ROPN1B: variants seen among roughly 807,000 people sequenced by gnomAD.
ROPN1B encodes the protein ropporin-1B.
A neutral mutation model predicts 23.7 loss-of-function variants in ROPN1B; 13 were observed. The ratio of observed to expected loss-of-function variants is 0.55; its 90% CI spans 0.36 to 0.87. The LOEUF is 0.87. ROPN1B is among the 40% of genes least tolerant of loss of function. The pLI, the probability that ROPN1B is intolerant of heterozygous loss-of-function variation, is 0.01. For missense variants in ROPN1B, 183 were observed against 249.2 expected, an observed-to-expected ratio of 0.73 and a Z score of 1.79; for synonymous variants, 67 against 100.4, an observed-to-expected ratio of 0.67 and a Z score of 1.99.
chr3:125,971,463 G>A, intron 2 of ROPN1B, among the ~76,000 whole-genome samples: 1 of 152,186 alleles, frequency 6.6e-6, no homozygotes, highest in East Asian at 1.9e-4. Flanking sequence ...AACTTTTTGA[G>A]AGAAAATGTA....
chr3:125,975,153 T>G (rs1033513475), intron 3 of ROPN1B, among the ~76,000 whole-genome samples: 1 of 152,206 alleles, frequency 6.6e-6, no homozygotes, highest in Admixed American at 6.5e-5. Flanking sequence ...TGCCTTCCCC[T>G]TTCTTACGTA....
intron 3 of ROPN1B, chr3:125,972,946 C>T: frequency 2.7e-6 from 1 of 367,386 alleles, no homozygotes; most frequent in Non-Finnish European, 5.3e-6. Flanking sequence ...CGCTGCGGGC[C>T]TGGATTGAAG....
intron 3 of ROPN1B, among the ~76,000 whole-genome samples, chr3:125,974,883 C>G (rs1559783779): frequency 6.6e-6 from 1 of 152,116 alleles, no homozygotes; most frequent in Non-Finnish European, 1.5e-5. Flanking sequence ...CCCTGCCAAC[C>G]CTCTCTCCCT....
In ROPN1B at chr3:125,969,925, G is replaced by A. The variant is rs1184527974; in HGVS notation, c.-59+525G>A. Reference sequence around the variant, plus strand: ...CTAGCACTTCATAGACTCCTATCACGCATTATTTTATACCTAGCACTTCAT... The same window carrying A: ...CTAGCACTTCATAGACTCCTATCACACATTATTTTATACCTAGCACTTCAT... On this transcript the variant is annotated intron_variant, in intron 1 of 6. Coordinates refer to ENST00000514116, the MANE Select transcript of ROPN1B (RefSeq NM_001308313.2). 15 of 147,874 alleles carry A rather than the reference G, an allele frequency of 1.0e-4. No individual in the cohort carries two copies. The East Asian group carries it at 1.4e-3, about 14-fold the overall frequency. 9.2% of individuals were successfully genotyped at this position (147,874 alleles called of 1,614,324 possible).
Position 125,972,099 on chromosome 3 carries a change from G to A in ROPN1B, c.45G>A (p.Pro15=). 1.2e-6 allele frequency: 2 copies of A among 1,614,208 alleles called. No homozygotes were observed. Among genetic ancestry groups the A allele is most frequent in the Non-Finnish European group, 1.7e-6 (2 of 1,180,032 alleles). The part of the protein sequence containing the change: ...DKPTCIPPEL[P]KMLKEFAKAA... ...CAACATGCATCCCGCCGGAGCTGCCGAAAATGCTGAAGGAGTTTGCCAAAG... is the reference window on the plus strand; with the variant it reads ...CAACATGCATCCCGCCGGAGCTGCCAAAAATGCTGAAGGAGTTTGCCAAAG... The change falls in exon 3 of 7, where the codon CCG becomes CCA. Residue 15 remains proline, a synonymous_variant. Transcript: ENST00000514116.
intron 5 of ROPN1B, among the ~76,000 whole-genome samples, chr3:125,980,396 G>T (rs1257277564): frequency 6.6e-6 from 1 of 152,136 alleles, no homozygotes; most frequent in Non-Finnish European, 1.5e-5. Flanking sequence ...GAAATTTGTT[G>T]TCTCTCAGTT....
At chr3:125,975,478 T>A in intron 3 of ROPN1B, 85 bp from the exon 4 acceptor site, 1 of 1,381,042 alleles carries the variant, frequency 7.2e-7, no homozygotes, top group Non-Finnish European at 9.9e-7. Context: ...CCTCCTTCCC[T>A]CAGAAGAAGG....
intron 5 of ROPN1B, among the ~76,000 whole-genome samples, chr3:125,980,225 C>T (rs1938565594): frequency 6.6e-6 from 1 of 152,190 alleles, no homozygotes; most frequent in Non-Finnish European, 1.5e-5. Flanking sequence ...GTTATTTATC[C>T]ACTCATCCAT....
chr3:125,970,385 C>A (rs543703431), intron 1 of ROPN1B, among the ~76,000 whole-genome samples: 19 of 152,246 alleles, frequency 1.2e-4, no homozygotes, highest in African/African-American at 3.9e-4. Context: ...TGCCCTGGAG[C>A]CTTTCATTCA....
At chr3:125,969,664 G>A (rs1938119736) in intron 1 of ROPN1B, 1 of 150,258 alleles carries the variant, frequency 6.7e-6, no homozygotes, top group Non-Finnish European at 1.5e-5. Context: ...CAGTGGTTGG[G>A]AGGCTCAAGA....
chr3:125,982,249 C>G (rs369842600), intron 5 of ROPN1B, 21 bp from the exon 6 acceptor site: 19 of 1,567,328 alleles, frequency 1.2e-5, no homozygotes, highest in Non-Finnish European at 1.6e-5. Flanking sequence ...ACTTTCTCCT[C>G]ATTTTATGTA....
intron 1 of ROPN1B, chr3:125,970,187 C>G (rs1330811385): frequency 6.6e-6 from 1 of 151,532 alleles, no homozygotes; most frequent in African/African-American, 2.4e-5. Context: ...TACAATGGAA[C>G]TGACAGGGTA....
At chr3:125,981,832 C>A (rs1480360964) in intron 5 of ROPN1B, among the ~76,000 whole-genome samples, 2 of 152,140 alleles carry the variant, frequency 1.3e-5, no homozygotes, top group African/African-American at 2.4e-5. Flanking sequence ...GGGAAATTAT[C>A]CTTCTCTTAC....
At chr3:125,976,517 C>A (rs1201311155) in intron 4 of ROPN1B, among the ~76,000 whole-genome samples, 1 of 152,186 alleles carries the variant, frequency 6.6e-6, no homozygotes, top group Non-Finnish European at 1.5e-5. Flanking sequence ...GCCACATACC[C>A]CATATCATTC....
rs1409839519 is a variant in ROPN1B at position 125,983,262 on chromosome 3, C to G, written c.581C>G (p.Pro194Arg). ...TACCTTTATCCAAACAGAATTGGTCCTGATGGTTTAATCACGGTGAATGAC... is the reference window on the plus strand; with the variant it reads ...TACCTTTATCCAAACAGAATTGGTCGTGATGGTTTAATCACGGTGAATGAC... ...LNYIEQEVIG[P>R]DGLITVNDFT... The change falls in exon 7 of 7, where the codon CCT (proline) becomes CGT (arginine). Residue 194 changes from proline to arginine, a missense_variant. Physicochemically the swap from Pro to Arg is moderately radical, Grantham distance 103 (BLOSUM62 -2). Transcript: ENST00000514116. 6.2e-7 allele frequency: 1 copy of G among 1,612,556 alleles called. No individual in the cohort carries two copies. The highest frequency in any genetic ancestry group is 2.2e-5 in the East Asian group (1 of 44,864).
intron 5 of ROPN1B, among the ~76,000 whole-genome samples, chr3:125,978,897 C>T (rs1002259102): frequency 6.6e-6 from 1 of 152,132 alleles, no homozygotes; most frequent in Non-Finnish European, 1.5e-5. Context: ...TCCAACCCTC[C>T]CTCTGCTTAG....
intron 2 of ROPN1B, 80 bp from the exon 3 acceptor site, chr3:125,971,963 C>T (rs1938222855): frequency 3.0e-6 from 4 of 1,326,556 alleles, no homozygotes; most frequent in Non-Finnish European, 4.1e-6. Context: ...CAAACAGAGG[C>T]TGGGTGACCT....
chr3:125,982,312 T>A lies in ROPN1B; in HGVS notation c.439T>A (p.Cys147Ser). ...CAAGATAGTGTGTGAGGTCTTATCA[T>A]GTGACCACAATGGTGGGTTGCCCCG... is the stretch of plus-strand genomic sequence containing the variant. ...TLKIVCEVLS[C>S]DHNGGLPRIP... The change falls in exon 6 of 7, where the codon TGT becomes AGT. Residue 147 changes from cysteine (C) to serine (S), a missense_variant. By Grantham distance (112) the Cys-to-Ser change is moderately radical. This residue lies in a region of ROPN1B where 80 missense variants were observed against 98.0 expected (regional missense o/e 0.82). Coordinates refer to ENST00000514116, the MANE Select transcript of ROPN1B (RefSeq NM_001308313.2). 1 of 1,613,202 alleles carries A rather than the reference T, an allele frequency of 6.2e-7. No individual in the cohort carries two copies. Among genetic ancestry groups the A allele is most frequent in the South Asian group, 1.1e-5 (1 of 90,814 alleles).
In ROPN1B at chr3:125,975,638, G is replaced by C. The variant is rs1938381676; in HGVS notation, c.192G>C (p.Trp64Cys). 6.2e-7 allele frequency: 1 copy of C among 1,613,978 alleles called. No individual in the cohort carries two copies. The highest frequency in any genetic ancestry group is 1.1e-5 in the South Asian group (1 of 91,064). The change falls in exon 4 of 7, where the codon TGG becomes TGC. Residue 64 changes from tryptophan to cysteine, a missense_variant. Coordinates refer to ENST00000514116, the MANE Select transcript of ROPN1B (RefSeq NM_001308313.2). ...CTGAGCGAGTCGCTTTGTGTAACTGGGCAGAGCTAACACCTGAGCTGTTAA... is the reference window on the plus strand; with the variant it reads ...CTGAGCGAGTCGCTTTGTGTAACTGCGCAGAGCTAACACCTGAGCTGTTAA... ...ERSERVALCN[W>C]AELTPELLKI... is the part of the protein sequence containing the mutation.
Sources: gnomAD v4.1 joint callset for allele counts (sites outside exome capture counted in the v4.1 genomes callset) on GRCh38, gnomAD v4.1.1 for gene constraint, gnomAD v4.1.1 regional missense constraint, MANE v1.5 for transcripts, NCBI Gene and HGNC (gene_info 2026-07-23, HGNC 2026-07-21) for gene names.